The following TNS1 variants were observed in gnomAD, a reference collection of about 807,000 sequenced individuals.
The protein encoded by TNS1 is tensin 1, also known as tensin-1.
TNS1 carries 62 observed loss-of-function variants against 168.6 expected under a neutral mutation model. The ratio of observed to expected loss-of-function variants is 0.37; its 90% CI spans 0.30 to 0.45. TNS1 has a LOEUF of 0.45. Ranked by LOEUF, TNS1 falls within the 20% of genes least tolerant of loss-of-function variation. The pLI is 1.00. For synonymous variants in TNS1, 934 were observed against 933.2 expected, an observed-to-expected ratio of 1.00 and a Z score of -0.02; for missense variants, 2,240 against 2,339.4, an observed-to-expected ratio of 0.96 and a Z score of 0.88.
chr2:217,843,975 C>T (rs1249754683), intron 19 of TNS1, among the ~76,000 whole-genome samples: 1 of 152,106 alleles, frequency 6.6e-6, no homozygotes, highest in Non-Finnish European at 1.5e-5. Context: ...TCCCTGGAGG[C>T]TCCACTCTCC....
chr2:217,908,034 T>C (rs191191430), intron 4 of TNS1, among the ~76,000 whole-genome samples: 11 of 152,332 alleles, frequency 7.2e-5, no homozygotes, highest in Admixed American at 6.5e-4. Flanking sequence ...AATAATCTCA[T>C]CATGGGAATA....
At chr2:217,942,872 C>G (rs886792168) in intron 3 of TNS1, among the ~76,000 whole-genome samples, 1 of 152,114 alleles carries the variant, frequency 6.6e-6, no homozygotes, top group Non-Finnish European at 1.5e-5. Context: ...CCTGGGAGCA[C>G]AGCAGGCTTC....
chr2:218,002,587 G>C (rs924597518), intron 1 of TNS1, among the ~76,000 whole-genome samples: 22 of 151,552 alleles, frequency 1.5e-4, no homozygotes, highest in Non-Finnish European at 2.9e-4. Context: ...ACTCCATTGG[G>C]GGGTGGGGGG....
At chr2:217,856,363 A>G (rs997514037) in intron 18 of TNS1, among the ~76,000 whole-genome samples, 5 of 152,146 alleles carry the variant, frequency 3.3e-5, no homozygotes, top group African/African-American at 1.2e-4. Context: ...ACATCCTGGC[A>G]TTGGTGGCAG....
chr2:217,937,148 C>T lies in TNS1; in HGVS notation c.187-16912G>A. On this transcript the variant is annotated intron_variant, in intron 3 of 32. Coordinates refer to ENST00000682258, the MANE Select transcript of TNS1 (RefSeq NM_001387777.1). ...CATGAGCTGCCTCCTGCTTGACATTCCCACTGCGTTTTGCAGCAACACTCT... is the reference window on the plus strand; with the variant it reads ...CATGAGCTGCCTCCTGCTTGACATTTCCACTGCGTTTTGCAGCAACACTCT... The T allele has an allele frequency of 9.7e-6, 4 of 410,522 alleles. No individual in the cohort carries two copies. The Admixed American group carries it at 1.0e-4, about 10-fold the overall frequency. The allele number at this position is 410,522 out of a possible 1,614,324, so 25.4% of individuals were successfully genotyped here.
rs1395530469 is a variant in TNS1, at chr2:217,990,941, CCT to C, written c.147_148del (p.Lys49AsnfsTer25). On this transcript the variant is annotated frameshift_variant and splice_region_variant, in exon 2 of 33. Transcript: ENST00000682258. LOFTEE classifies it high-confidence loss of function. ...CCCCCACAGCCCAGACCGCTGCTCA[CCT>C]TTGCAGGTGCAGCCTTCCTGGGTGA... 1 of 665,678 alleles carries C rather than the reference CCT, an allele frequency of 1.5e-6. No individual in the cohort carries two copies. Among genetic ancestry groups the C allele is most frequent in the Non-Finnish European group, 2.8e-6 (1 of 360,888 alleles). 41.2% of individuals were successfully genotyped at this position (665,678 alleles called of 1,614,324 possible). A position where few individuals can be genotyped will look rare whatever the true frequency, so the allele number is the denominator to read the frequency against.
intron 19 of TNS1, among the ~76,000 whole-genome samples, chr2:217,842,488 A>G (rs1454094192): frequency 6.6e-6 from 1 of 152,152 alleles, no homozygotes; most frequent in Non-Finnish European, 1.5e-5. Flanking sequence ...ATCTATCAGT[A>G]ATCTTGTTGG....
chr2:218,026,740 A>C (rs1574484574), intron 1 of TNS1, among the ~76,000 whole-genome samples: 1 of 151,430 alleles, frequency 6.6e-6, no homozygotes, highest in African/African-American at 2.4e-5. Context: ...AGATCAGGAG[A>C]CTCCAGTCCC....
chr2:218,031,012 G>A (rs1215360515), intron 1 of TNS1, among the ~76,000 whole-genome samples: 1 of 146,736 alleles, frequency 6.8e-6, no homozygotes, highest in African/African-American at 2.5e-5. Context: ...GAGTGTGGGA[G>A]TGTATGTGTG....
In TNS1 at chr2:217,955,923, G is replaced by A. The variant is rs542443444; in HGVS notation, c.186+22842C>T. The stretch of plus-strand genomic sequence containing the variant: ...GGGGACTCTCAGCACACACAAACAG[G>A]TAACGCTCCCACAAAATGTCAGGCA... On this transcript the variant is annotated intron_variant, in intron 3 of 32. Transcript: ENST00000682258. Among the ~76,000 whole-genome samples the A allele has an allele frequency of 2.0e-5, 3 of 152,264 alleles. No homozygotes were observed. In the South Asian group the frequency reaches 6.2e-4, roughly 32 times the overall value.
chr2:217,880,296 T>C lies in TNS1; in HGVS notation c.1429+602A>G, dbSNP rs1462242068. On this transcript the variant is annotated intron_variant, in intron 18 of 32. Transcript: ENST00000682258. This position sits in a 1 kb window ranked among gnomAD's most constrained non-coding sequence, Gnocchi z 4.2. ...TAGGTTTGTAGCTAAATTAAACATGTATTAATTTCAATTCTGCTGCTTTCT... is the reference window on the plus strand; with the variant it reads ...TAGGTTTGTAGCTAAATTAAACATGCATTAATTTCAATTCTGCTGCTTTCT... Among the ~76,000 whole-genome samples the C allele has an allele frequency of 6.6e-6, 1 of 152,254 alleles. No individual in the cohort carries two copies. Among genetic ancestry groups the C allele is most frequent in the African/African-American group, 2.4e-5 (1 of 41,464 alleles).
chr2:217,819,332 T>C (rs1191368801), intron 23 of TNS1, among the ~76,000 whole-genome samples: 3 of 152,176 alleles, frequency 2.0e-5, no homozygotes, highest in Non-Finnish European at 4.4e-5. Flanking sequence ...TTGAGGTCAT[T>C]GTAAGGTCTG....
chr2:217,890,855 C>G, intron 12 of TNS1, 107 bp downstream of exon 12: 1 of 1,263,948 alleles, frequency 7.9e-7, no homozygotes, highest in Non-Finnish European at 1.1e-6. Flanking sequence ...GCCTGGTACA[C>G]CCCCACCTAG....
chr2:217,893,333 T>A, intron 10 of TNS1, 106 bp downstream of exon 10: 1 of 1,454,014 alleles, frequency 6.9e-7, no homozygotes, highest in Non-Finnish European at 9.1e-7. Context: ...TCCAAAGATA[T>A]AGGCAGGTAC....
At chr2:217,856,324 T>C (rs765915967) in intron 18 of TNS1, among the ~76,000 whole-genome samples, 4 of 152,176 alleles carry the variant, frequency 2.6e-5, no homozygotes, top group Non-Finnish European at 5.9e-5. Context: ...CCCCAGCATG[T>C]GGCTCCAGGA....
At chr2:217,893,408 A>ACT in intron 10 of TNS1, 31 bp downstream of exon 10, 1 of 1,554,098 alleles carries the variant, frequency 6.4e-7, no homozygotes, top group Non-Finnish European at 8.8e-7. Context: ...GCGCACACAC[A>ACT]CACACACACA....
chr2:217,818,054 G>C lies in TNS1; in HGVS notation c.4278C>G (p.Ala1426=). Residue 1426 remains alanine, a synonymous_variant, in exon 24 of 33, where the codon GCC becomes GCG. Coordinates refer to ENST00000682258, the MANE Select transcript of TNS1 (RefSeq NM_001387777.1). Reference sequence around the variant, plus strand: ...CCTCCGGGGTAGAATAGCCACCATAGGCCACATGCCGGTCCAAGCAGGGGC... The same window carrying C: ...CCTCCGGGGTAGAATAGCCACCATACGCCACATGCCGGTCCAAGCAGGGGC... ...PGSPCLDRHV[A]YGGYSTPEDR... The C allele has an allele frequency of 6.2e-7, 1 of 1,609,568 alleles. No homozygotes were observed. The highest frequency in any genetic ancestry group is 8.5e-7 in the Non-Finnish European group (1 of 1,177,946).
chr2:217,943,704 G>A (rs1442743703), intron 3 of TNS1, among the ~76,000 whole-genome samples: 1 of 152,250 alleles, frequency 6.6e-6, no homozygotes, highest in Non-Finnish European at 1.5e-5. Flanking sequence ...CATGGGAACA[G>A]GCAGGCTGAC....
At chr2:217,941,305 G>A (rs1956899601) in intron 3 of TNS1, among the ~76,000 whole-genome samples, 1 of 152,222 alleles carries the variant, frequency 6.6e-6, no homozygotes, top group Non-Finnish European at 1.5e-5. Flanking sequence ...CTAACTGCAG[G>A]GATTGGGGGT....
Sources: allele counts gnomAD v4.1 joint callset (sites outside exome capture counted in the v4.1 genomes callset), GRCh38; gene constraint gnomAD v4.1.1; non-coding constraint Gnocchi (gnomAD v3.1); transcripts MANE v1.5; gene names NCBI Gene and HGNC (gene_info 2026-07-23, HGNC 2026-07-21).